The following SPTBN1 variants were observed in gnomAD, a reference collection of about 807,000 sequenced individuals.
SPTBN1 encodes the protein spectrin beta chain, non-erythrocytic 1.
A neutral mutation model predicts 266.4 loss-of-function variants in SPTBN1; 32 were observed. The ratio of observed to expected loss-of-function variants is 0.12; its 90% CI spans 0.09 to 0.16. The LOEUF is 0.16. Among genes scored for constraint, SPTBN1 ranks in the 10% least tolerant of loss-of-function variants. The pLI, the probability that SPTBN1 is intolerant of heterozygous loss-of-function variation, is 1.00. For synonymous variants in SPTBN1, 1,336 were observed against 1,162.2 expected (o/e 1.15, Z -3.04); for missense variants, 2,296 against 3,067.1 (o/e 0.75, Z 5.94).
At chr2:54,575,856 G>A (rs986261487) in intron 2 of SPTBN1, among the ~76,000 whole-genome samples, 1 of 152,188 alleles carries the variant, frequency 6.6e-6, no homozygotes, top group Non-Finnish European at 1.5e-5. Context: ...GTCTCAACAT[G>A]CCTCTGCCTA....
intron 1 of SPTBN1, among the ~76,000 whole-genome samples, chr2:54,468,080 G>A (rs147628204): frequency 0.04 from 6,035 of 152,140 alleles, 176 homozygotes; most frequent in Non-Finnish European, 0.057. Flanking sequence ...AGGCCGAGGC[G>A]GGCAGATCAT....
rs78496188 is a variant in SPTBN1 at position 54,558,356 on chromosome 2, A to G, written c.148+31790A>G. On this transcript the variant is annotated intron_variant, in intron 2 of 35. Coordinates refer to ENST00000356805, the MANE Select transcript of SPTBN1 (RefSeq NM_003128.3). The surrounding 1 kb of genome is among the most constrained non-coding windows in gnomAD (Gnocchi z 4.6). Reference sequence around the variant, plus strand: ...GCACACGGCGAGTGGCTCCTGATAAAATTACAAACCGGCGGCCGCCGCGGG... The same window carrying G: ...GCACACGGCGAGTGGCTCCTGATAAGATTACAAACCGGCGGCCGCCGCGGG... 172,040 of 998,234 alleles carry G rather than the reference A, an allele frequency of 0.17. 15,690 individuals are homozygous for G. Among genetic ancestry groups the G allele is most frequent in the Non-Finnish European group, 0.19 (156,754 of 838,178 alleles). The allele number at this position is 998,234 out of a possible 1,614,324, so 61.8% of individuals were successfully genotyped here. A position where few individuals can be genotyped will look rare whatever the true frequency, so the allele number is the denominator to read the frequency against.
chr2:54,558,478 A>G lies in SPTBN1; in HGVS notation c.148+31912A>G. 9 of 1,119,306 alleles carry G rather than the reference A, an allele frequency of 8.0e-6. No individual in the cohort carries two copies. The highest frequency in any genetic ancestry group is 9.8e-6 in the Non-Finnish European group (9 of 915,226). 69.3% of individuals were successfully genotyped at this position (1,119,306 alleles called of 1,614,324 possible). On this transcript the variant is annotated intron_variant, in intron 2 of 35. Coordinates refer to ENST00000356805, the MANE Select transcript of SPTBN1 (RefSeq NM_003128.3). The surrounding 1 kb of genome is among the most constrained non-coding windows in gnomAD (Gnocchi z 4.6). ...GCCATATTTAAAAGTTCTGAAGTAG[A>G]ACCTGCGCCTCCTCTCTGCTTCTCC...
intron 1 of SPTBN1, among the ~76,000 whole-genome samples, chr2:54,505,838 A>G (rs1669522765): frequency 6.6e-6 from 1 of 152,096 alleles, no homozygotes; most frequent in Non-Finnish European, 1.5e-5. Context: ...ATTTTTAAAA[A>G]TCTGGGCCAG....
At chr2:54,588,538 G>T (rs1345247081) in intron 2 of SPTBN1, among the ~76,000 whole-genome samples, 1 of 152,180 alleles carries the variant, frequency 6.6e-6, no homozygotes, top group African/African-American at 2.4e-5. Context: ...CTAGCAGCAT[G>T]CCCTCGGGGG....
chr2:54,517,827 G>C (rs893015881), intron 1 of SPTBN1, among the ~76,000 whole-genome samples: 3 of 151,890 alleles, frequency 2.0e-5, no homozygotes, highest in Non-Finnish European at 4.4e-5. Flanking sequence ...TGTATTTTTA[G>C]TAGAGACAGG....
chr2:54,610,849 C>G (rs562146903), intron 3 of SPTBN1, among the ~76,000 whole-genome samples: 1 of 152,300 alleles, frequency 6.6e-6, no homozygotes, highest in East Asian at 1.9e-4. Context: ...CAGTATTGCA[C>G]TAGACACTGT....
intron 1 of SPTBN1, among the ~76,000 whole-genome samples, chr2:54,518,098 CTTTATA>C (rs772753425): frequency 2.0e-5 from 3 of 152,042 alleles, no homozygotes; most frequent in Non-Finnish European, 2.9e-5. Context: ...TCATGTGTGT[CTTTATA>C]TTTATGAGCA....
At chr2:54,636,100 A>G (rs760449327) in intron 17 of SPTBN1, among the ~76,000 whole-genome samples, 1 of 152,208 alleles carries the variant, frequency 6.6e-6, no homozygotes, top group Non-Finnish European at 1.5e-5. Context: ...ATGCCATTTA[A>G]GTGTTTGCTT....
chr2:54,568,021 A>T (rs1673785065), intron 2 of SPTBN1, among the ~76,000 whole-genome samples: 1 of 152,198 alleles, frequency 6.6e-6, no homozygotes, highest in Non-Finnish European at 1.5e-5. Flanking sequence ...ACCTCCCCAC[A>T]GACCTCCTAA....
chr2:54,457,459 A>G (rs994093923), intron 1 of SPTBN1, among the ~76,000 whole-genome samples: 1 of 151,892 alleles, frequency 6.6e-6, no homozygotes, highest in Non-Finnish European at 1.5e-5. Context: ...TCTGTCCATT[A>G]TTTTTCCAAT....
chr2:54,666,210 C>A, intron 34 of SPTBN1, 122 bp downstream of exon 34: 2 of 1,103,410 alleles, frequency 1.8e-6, no homozygotes, highest in Non-Finnish European at 2.5e-6. Flanking sequence ...TTTAAATCCC[C>A]AATAAAGTGA....
chr2:54,637,764 C>T lies in SPTBN1; in HGVS notation c.3819C>T (p.Asp1273=), dbSNP rs751423847. The T allele has an allele frequency of 6.2e-7, 1 of 1,613,858 alleles. No homozygotes were observed. The highest frequency in any genetic ancestry group is 8.5e-7 in the Non-Finnish European group (1 of 1,179,832). The change falls in exon 18 of 36, where the codon GAC becomes GAT. Residue 1273 remains aspartate (D), a synonymous_variant. Transcript: ENST00000356805. ...GTGAACTTTTGATGAGGTTGAAGGA[C>T]AACAGGGATCTACAGAAATTCCTGC... ...TASELLMRLK[D]NRDLQKFLQD...
intron 1 of SPTBN1, among the ~76,000 whole-genome samples, chr2:54,491,508 T>C (rs1668679727): frequency 6.6e-6 from 1 of 152,262 alleles, no homozygotes; most frequent in African/African-American, 2.4e-5. Flanking sequence ...AAGTAAACTT[T>C]TGAATATCAT....
intron 11 of SPTBN1, 142 bp downstream of exon 11, chr2:54,625,104 C>G (rs1678240728): frequency 1.1e-6 from 1 of 901,496 alleles, no homozygotes; most frequent in Non-Finnish European, 1.6e-6. Flanking sequence ...TGGCCCCTTC[C>G]CATTAAGAGG....
intron 1 of SPTBN1, among the ~76,000 whole-genome samples, chr2:54,492,362 T>TTTTTTTTC: frequency 6.6e-6 from 1 of 151,298 alleles, no homozygotes; most frequent in Non-Finnish European, 1.5e-5. Flanking sequence ...TTTTTTTTTT[T>TTTTTTTTC]TTGCTACTAT....
In SPTBN1 at chr2:54,645,103, T is replaced by C. The variant is rs1033324572; in HGVS notation, c.4270-126T>C. ...GTTGAAAAGCAAGTCAGTGGCAAAA[T>C]GTTTGAGTGGCTCCCATGGCTGGCT... On this transcript the variant is annotated intron_variant, in intron 20 of 35. Transcript: ENST00000356805. The surrounding 1 kb of genome is among the most constrained non-coding windows in gnomAD (Gnocchi z 4.3). 1.2e-5 allele frequency: 11 copies of C among 915,312 alleles called. No individual in the cohort carries two copies. The highest frequency in any genetic ancestry group is 6.6e-5 in the South Asian group (4 of 60,672). 56.7% of individuals were successfully genotyped at this position (915,312 alleles called of 1,614,324 possible).
intron 17 of SPTBN1, among the ~76,000 whole-genome samples, chr2:54,635,508 G>A (rs1273471101): frequency 6.6e-6 from 1 of 152,344 alleles, no homozygotes; most frequent in Non-Finnish European, 1.5e-5. Flanking sequence ...TGCCTGGGCC[G>A]GTAACTGCCG....
chr2:54,660,787 T>C, intron 32 of SPTBN1: 1 of 985,286 alleles, frequency 1.0e-6, no homozygotes, highest in Non-Finnish European at 1.2e-6. Context: ...GCCTCAGGAG[T>C]AAAGTGCCCG....
Sources: gnomAD v4.1 joint callset for allele counts (sites outside exome capture counted in the v4.1 genomes callset) on GRCh38, gnomAD v4.1.1 for gene constraint, Gnocchi (gnomAD v3.1) non-coding constraint, MANE v1.5 for transcripts, NCBI Gene and HGNC (gene_info 2026-07-23, HGNC 2026-07-21) for gene names.